CAP2: variants seen among roughly 807,000 people sequenced by gnomAD.
CAP2 encodes the protein adenylyl cyclase-associated protein 2.
In CAP2, 24 loss-of-function variants were observed where a neutral mutation model predicts 57.7. The observed-to-expected ratio is 0.42, with a 90% CI of 0.30 to 0.58. The LOEUF (loss-of-function observed/expected upper bound fraction) is 0.58. CAP2 is among the 20% of genes least tolerant of loss of function. The pLI is 0.22. For missense variants in CAP2, 501 were observed against 590.3 expected, an observed-to-expected ratio of 0.85 and a Z score of 1.57; for synonymous variants, 194 against 207.2, an observed-to-expected ratio of 0.94 and a Z score of 0.55.
At chr6:17,405,961 G>T (rs1307697392) in intron 1 of CAP2, among the ~76,000 whole-genome samples, 1 of 151,952 alleles carries the variant, frequency 6.6e-6, no homozygotes, top group Non-Finnish European at 1.5e-5. Context: ...GGCTGGTCGT[G>T]AACTCCTGGG....
At chr6:17,394,748 G>GATACAACGCTA in intron 1 of CAP2, among the ~76,000 whole-genome samples, 1 of 152,296 alleles carries the variant, frequency 6.6e-6, no homozygotes, top group Non-Finnish European at 1.5e-5. Context: ...AGCCCACTTA[G>GATACAACGCTA]TGTAAAATTA....
chr6:17,451,635 G>T (rs1424628667), intron 3 of CAP2, among the ~76,000 whole-genome samples: 1 of 151,600 alleles, frequency 6.6e-6, no homozygotes, highest in Non-Finnish European at 1.5e-5. Flanking sequence ...TCAGCCTCTC[G>T]AGTAGCTGGG....
intron 3 of CAP2, among the ~76,000 whole-genome samples, chr6:17,434,282 G>A (rs1340055512): frequency 6.8e-6 from 1 of 146,990 alleles, no homozygotes. Flanking sequence ...AGGCTGGAGT[G>A]CAGTGGTGCA....
intron 1 of CAP2, among the ~76,000 whole-genome samples, chr6:17,397,432 C>T (rs62393825): frequency 0.25 from 37,995 of 151,852 alleles, 4,953 homozygotes; most frequent in South Asian, 0.35. Flanking sequence ...TGGTGGCTCA[C>T]GCCTGTAATC....
chr6:17,555,574 T>TTTATC (rs1763281796), intron 12 of CAP2, among the ~76,000 whole-genome samples: 1 of 151,228 alleles, frequency 6.6e-6, no homozygotes, highest in East Asian at 1.9e-4. Flanking sequence ...TTTATTTTAT[T>TTTATC]TTTTGGAGAT....
At position 17,551,613 on chromosome 6, in the gene CAP2, CT is replaced by C. The variant is rs1463310126; in HGVS notation, c.1350+12del. The C allele has an allele frequency of 6.4e-7, 1 of 1,564,318 alleles. No homozygotes were observed. Among genetic ancestry groups the C allele is most frequent in the Non-Finnish European group, 8.7e-7 (1 of 1,154,902 alleles). ...CTCAGGATGGTGATTATGTAAGTAC[CT>C]TTCAAAAGGCTGTCAAGAATTTTTC... is the stretch of plus-strand genomic sequence containing the variant. On this transcript the variant is annotated intron_variant, in intron 12 of 12. Coordinates refer to ENST00000229922, the MANE Select transcript of CAP2 (RefSeq NM_006366.3).
intron 4 of CAP2, among the ~76,000 whole-genome samples, chr6:17,464,297 T>C (rs549689784): frequency 6.6e-6 from 1 of 152,326 alleles, no homozygotes; most frequent in African/African-American, 2.4e-5. Flanking sequence ...AAATAAAAAA[T>C]AAATTGAGCA....
Position 17,531,179 on chromosome 6 carries a change from G to T in CAP2, c.637-8090G>T. The T allele has an allele frequency of 3.9e-6, 3 of 764,904 alleles. No homozygotes were observed. The South Asian group carries it at 4.0e-5, about 10-fold the overall frequency. 47.4% of individuals were successfully genotyped at this position (764,904 alleles called of 1,614,324 possible). A position where few individuals can be genotyped will look rare whatever the true frequency, so the allele number is the denominator to read the frequency against. Reference sequence around the variant, plus strand: ...TGATTTTGCCATAACCACACTTATGGATTAGTTCATTTACTGACTTCAGAA... The same window carrying T: ...TGATTTTGCCATAACCACACTTATGTATTAGTTCATTTACTGACTTCAGAA... On this transcript the variant is annotated intron_variant, in intron 7 of 12. Transcript: ENST00000229922.
At chr6:17,553,904 T>C (rs1763231733) in intron 12 of CAP2, among the ~76,000 whole-genome samples, 1 of 152,158 alleles carries the variant, frequency 6.6e-6, no homozygotes, top group Non-Finnish European at 1.5e-5. Context: ...ATCTGGCACA[T>C]TCTCTACTTG....
chr6:17,508,971 G>A (rs1462145453), intron 6 of CAP2, among the ~76,000 whole-genome samples: 3 of 151,878 alleles, frequency 2.0e-5, no homozygotes, highest in South Asian at 2.1e-4. Context: ...TTGGCCAGAT[G>A]GTCTCAATCT....
intron 7 of CAP2, among the ~76,000 whole-genome samples, chr6:17,538,999 T>C (rs1013984063): frequency 1.3e-5 from 2 of 152,088 alleles, no homozygotes; most frequent in Non-Finnish European, 2.9e-5. Context: ...TATGGCTCGT[T>C]TGCCTCTGAT....
At chr6:17,535,120 T>C (rs1471822354) in intron 7 of CAP2, among the ~76,000 whole-genome samples, 1 of 152,078 alleles carries the variant, frequency 6.6e-6, no homozygotes, top group Non-Finnish European at 1.5e-5. Context: ...TAAAAGTCAC[T>C]GGGGGATGGA....
At chr6:17,468,747 C>A (rs1376764775) in intron 4 of CAP2, among the ~76,000 whole-genome samples, 1 of 152,168 alleles carries the variant, frequency 6.6e-6, no homozygotes, top group Admixed American at 6.5e-5. Flanking sequence ...CCAAGAAGCC[C>A]CCACCCTGGC....
At chr6:17,505,856 C>G (rs1191299128) in intron 4 of CAP2, among the ~76,000 whole-genome samples, 3 of 152,154 alleles carry the variant, frequency 2.0e-5, no homozygotes, top group Non-Finnish European at 4.4e-5. Flanking sequence ...TACTTTATAA[C>G]TCAGCTCATG....
intron 4 of CAP2, among the ~76,000 whole-genome samples, chr6:17,479,336 G>A (rs2113619570): frequency 6.6e-6 from 1 of 152,232 alleles, no homozygotes; most frequent in African/African-American, 2.4e-5. Context: ...CTAAGTCCTT[G>A]TGACCCCTCC....
intron 4 of CAP2, among the ~76,000 whole-genome samples, chr6:17,474,348 T>G (rs1264174447): frequency 4.6e-5 from 7 of 152,154 alleles, no homozygotes; most frequent in Admixed American, 3.3e-4. Flanking sequence ...ATGTCAGGTT[T>G]TGGTTCATCC....
At chr6:17,467,169 C>T (rs575604188) in intron 4 of CAP2, among the ~76,000 whole-genome samples, 3 of 152,122 alleles carry the variant, frequency 2.0e-5, no homozygotes. Context: ...TTGTGGCTCA[C>T]GTCAGCCTTG....
chr6:17,507,104 T>C, intron 4 of CAP2, 65 bp from the exon 5 acceptor site: 2 of 1,561,442 alleles, frequency 1.3e-6, no homozygotes, highest in Non-Finnish European at 1.8e-6. Flanking sequence ...TAGGCCAACA[T>C]GGATAGAGGT....
At chr6:17,490,841 A>G (rs544901134) in intron 4 of CAP2, among the ~76,000 whole-genome samples, 1 of 152,312 alleles carries the variant, frequency 6.6e-6, no homozygotes, top group South Asian at 2.1e-4. Context: ...CTGTTTGCCA[A>G]CCACTATAAA....
Sources: gnomAD v4.1 joint callset for allele counts (sites outside exome capture counted in the v4.1 genomes callset) on GRCh38, gnomAD v4.1.1 for gene constraint, MANE v1.5 for transcripts, NCBI Gene and HGNC (gene_info 2026-07-23, HGNC 2026-07-21) for gene names.